ELAVL4: variants seen among roughly 807,000 people sequenced by gnomAD.
The protein encoded by ELAVL4 is ELAV like RNA binding protein 4.
ELAVL4 carries 1 observed loss-of-function variant against 35.6 expected under a neutral mutation model. That is an observed-to-expected ratio of 0.03 (90% CI 0.01 to 0.13). The LOEUF is 0.13. Among genes scored for constraint, ELAVL4 ranks in the 10% least tolerant of loss-of-function variants. ELAVL4 has a pLI of 1.00. For missense variants in ELAVL4, 267 were observed against 464.9 expected, an observed-to-expected ratio of 0.57 and a Z score of 3.91; for synonymous variants, 156 against 171.0, an observed-to-expected ratio of 0.91 and a Z score of 0.69.
intron 3 of ELAVL4, among the ~76,000 whole-genome samples, chr1:50,188,793 G>A (rs955912979): frequency 6.6e-6 from 1 of 152,192 alleles, no homozygotes; most frequent in Non-Finnish European, 1.5e-5. Context: ...TCCATTCAGA[G>A]GAGTCACTTC....
chr1:50,123,739 G>A (rs1029722866), intron 1 of ELAVL4, among the ~76,000 whole-genome samples: 1 of 151,956 alleles, frequency 6.6e-6, no homozygotes, highest in Non-Finnish European at 1.5e-5. Context: ...ACTGCACCAC[G>A]GTGTTCCCTA....
chr1:50,195,412 T>C (rs1643986116), intron 4 of ELAVL4, 149 bp from the exon 5 acceptor site: 4 of 780,892 alleles, frequency 5.1e-6, no homozygotes, highest in Non-Finnish European at 8.4e-6. Context: ...CGTGTTTTGA[T>C]TGGTGAGAGA....
chr1:50,057,724 G>A (rs1364868390), intron 1 of ELAVL4, among the ~76,000 whole-genome samples: 3 of 152,134 alleles, frequency 2.0e-5, no homozygotes, highest in Non-Finnish European at 4.4e-5. Context: ...TACCACCTAG[G>A]CTTTGTGTAA....
chr1:50,073,090 G>C (rs1461819504), intron 1 of ELAVL4, among the ~76,000 whole-genome samples: 2 of 152,202 alleles, frequency 1.3e-5, no homozygotes, highest in African/African-American at 4.8e-5. Flanking sequence ...TGAGTTGCAA[G>C]GTAGAAGCTG....
At chr1:50,110,827 CAAAT>C (rs1666944731) in intron 1 of ELAVL4, among the ~76,000 whole-genome samples, 1 of 151,964 alleles carries the variant, frequency 6.6e-6, no homozygotes, top group Admixed American at 6.6e-5. Flanking sequence ...GGGTGTAAAA[CAAAT>C]AAGATTAGAC....
At chr1:50,109,772 G>T in intron 1 of ELAVL4, 2 of 717,066 alleles carry the variant, frequency 2.8e-6, no homozygotes, top group Non-Finnish European at 2.4e-6. Flanking sequence ...TTCCTGTCAT[G>T]ACCTCATAAA....
rs183667502 is a variant in ELAVL4, at chr1:50,187,217, G to A, written c.355-6548G>A. 2.6e-5 allele frequency among the ~76,000 whole-genome samples: 4 copies of A among 152,312 alleles called. No homozygotes were observed. In the East Asian group the frequency reaches 7.7e-4, roughly 29 times the overall value. ...ATCTTCTGAAATGATTGGTTTGTGTGTGTGTGTCTCCTCTGCTAGACTAAT... is the reference window on the plus strand; with the variant it reads ...ATCTTCTGAAATGATTGGTTTGTGTATGTGTGTCTCCTCTGCTAGACTAAT... On this transcript the variant is annotated intron_variant, in intron 3 of 6. Coordinates refer to ENST00000371824, the MANE Select transcript of ELAVL4 (RefSeq NM_001144774.3).
At chr1:50,142,789 A>G (rs1364813906) in intron 1 of ELAVL4, among the ~76,000 whole-genome samples, 2 of 152,210 alleles carry the variant, frequency 1.3e-5, no homozygotes, top group Non-Finnish European at 1.5e-5. Context: ...AGAAATATGT[A>G]CATTTTTGTA....
intron 3 of ELAVL4, among the ~76,000 whole-genome samples, chr1:50,192,958 T>G (rs933320230): frequency 1.3e-5 from 2 of 152,178 alleles, no homozygotes; most frequent in African/African-American, 4.8e-5. Flanking sequence ...GAAAAGCAGT[T>G]GAGAGATCTG....
At chr1:50,195,996 T>C (rs1316220830) in intron 5 of ELAVL4, among the ~76,000 whole-genome samples, 1 of 152,234 alleles carries the variant, frequency 6.6e-6, no homozygotes, top group African/African-American at 2.4e-5. Flanking sequence ...TCCAATTTAC[T>C]ACTGTGACTG....
At chr1:50,144,670 T>A in intron 1 of ELAVL4, 1 of 588,066 alleles carries the variant, frequency 1.7e-6, no homozygotes, top group Non-Finnish European at 3.2e-6. Flanking sequence ...TGAGAGTGAT[T>A]GTGTAATGAA....
chr1:50,090,551 G>A lies in ELAVL4; in HGVS notation c.18+42369G>A, dbSNP rs374906837. Among the ~76,000 whole-genome samples the A allele has an allele frequency of 9.9e-5, 15 of 152,256 alleles. No homozygotes were observed. In the East Asian group the frequency reaches 2.1e-3, roughly 22 times the overall value. ...ATCTCAATGGTTTGACACAGTCAGG[G>A]TTAGCTCTTGCTCATTTCACAGTTC... On this transcript the variant is annotated intron_variant, in intron 1 of 6. Coordinates refer to the ELAVL4 transcript ENST00000448907.
intron 1 of ELAVL4, among the ~76,000 whole-genome samples, chr1:50,131,525 C>T (rs1470832404): frequency 6.6e-6 from 1 of 152,030 alleles, no homozygotes; most frequent in African/African-American, 2.4e-5. Flanking sequence ...TGCGGTGACT[C>T]ACACCTGTAA....
intron 2 of ELAVL4, among the ~76,000 whole-genome samples, chr1:50,150,865 G>A (rs1205068736): frequency 6.6e-6 from 1 of 152,158 alleles, no homozygotes; most frequent in African/African-American, 2.4e-5. Flanking sequence ...AAGAATAACT[G>A]CAACAGCTTT....
intron 1 of ELAVL4, among the ~76,000 whole-genome samples, chr1:50,071,474 T>C (rs1445895044): frequency 6.6e-6 from 1 of 152,208 alleles, no homozygotes; most frequent in Non-Finnish European, 1.5e-5. Context: ...AATTTGACAA[T>C]TTGACTAGCC....
At chr1:50,165,531 A>G (rs1178603202) in intron 2 of ELAVL4, among the ~76,000 whole-genome samples, 1 of 149,642 alleles carries the variant, frequency 6.7e-6, no homozygotes, top group Non-Finnish European at 1.5e-5. Flanking sequence ...GTATATACAT[A>G]TACCTATATG....
intron 2 of ELAVL4, among the ~76,000 whole-genome samples, chr1:50,155,283 A>G (rs1054852242): frequency 2.7e-5 from 4 of 149,910 alleles, no homozygotes; most frequent in Non-Finnish European, 5.9e-5. Context: ...ATGAAAATGA[A>G]TGGTGACAAC....
In ELAVL4 at chr1:50,202,500, CACTGTTTAT is replaced by C. The variant is rs1449277050; in HGVS notation, c.*1323_*1331del. 6.6e-6 allele frequency: 1 copy of C among 152,122 alleles called. No individual in the cohort carries two copies. Among genetic ancestry groups the C allele is most frequent in the Non-Finnish European group, 1.5e-5 (1 of 68,010 alleles). The allele number at this position is 152,122 out of a possible 1,614,324, so 9.4% of individuals were successfully genotyped here. ...TTGGGCTGTGTTGGTACATTTGAAA[CACTGTTTAT>C]GTTGCTTGAAACACTTATTTATTTA... is the stretch of plus-strand genomic sequence containing the variant. On this transcript the variant is annotated 3_prime_UTR_variant, in exon 7 of 7. Coordinates refer to ENST00000371824, the MANE Select transcript of ELAVL4 (RefSeq NM_001144774.3).
At chr1:50,172,362 A>C (rs1467726) in intron 2 of ELAVL4, among the ~76,000 whole-genome samples, 88,804 of 152,118 alleles carry the variant, frequency 0.58, 27,071 homozygotes, top group Non-Finnish European at 0.68. Flanking sequence ...CAGCAGATTC[A>C]AAAAGCCTCT....
Sources: allele counts gnomAD v4.1 joint callset (sites outside exome capture counted in the v4.1 genomes callset), GRCh38; gene constraint gnomAD v4.1.1; transcripts MANE v1.5; gene names NCBI Gene and HGNC (gene_info 2026-07-23, HGNC 2026-07-21).